Variants in SQSTM1 observed in about 807,000 individuals in gnomAD.
SQSTM1 encodes the protein sequestosome 1, also known as sequestosome-1.
Under a neutral mutation model 45.1 loss-of-function variants are expected in SQSTM1, and 36 were observed. The observed-to-expected ratio is 0.80, with a 90% CI of 0.61 to 1.05. The LOEUF is 1.05. Ranked by LOEUF, SQSTM1 falls within the 50% of genes least tolerant of loss-of-function variation. The pLI, the probability that SQSTM1 is intolerant of heterozygous loss-of-function variation, is 0.00. For synonymous variants in SQSTM1, 290 were observed against 244.3 expected (o/e 1.19, Z -1.74); for missense variants, 617 against 607.1 (o/e 1.02, Z -0.17).
Position 179,820,911 on chromosome 5 carries a change from C to A in SQSTM1, c.-26C>A, listed in dbSNP as rs748135610. The A allele has an allele frequency of 5.3e-6, 8 of 1,495,618 alleles. No individual in the cohort carries two copies. The highest frequency in any genetic ancestry group is 1.4e-5 in the African/African-American group (1 of 69,504). 92.6% of individuals were successfully genotyped at this position (1,495,618 alleles called of 1,614,324 possible). Reference sequence around the variant, plus strand: ...CGCGGCGGCTGCGACCGGGACGGCCCGTTTTCCGCCAGCTCGCCGCTCGCT... The same window carrying A: ...CGCGGCGGCTGCGACCGGGACGGCCAGTTTTCCGCCAGCTCGCCGCTCGCT... On this transcript the variant is annotated 5_prime_UTR_variant, in exon 1 of 8. Coordinates refer to ENST00000389805, the MANE Select transcript of SQSTM1 (RefSeq NM_003900.5).
At chr5:179,817,359 C>G (rs149085107), upstream of SQSTM1, among the ~76,000 whole-genome samples, 948 of 152,320 alleles carry the variant, frequency 6.2e-3, 11 homozygotes, top group African/African-American at 0.021. Context: ...TTTCCCCACT[C>G]CGCGGTTGAC....
intron 5 of SQSTM1, among the ~76,000 whole-genome samples, chr5:179,828,369 C>CTTTTTTTTTTTTTTTTTTTT (rs57483633): frequency 4.1e-5 from 4 of 98,272 alleles, no homozygotes; most frequent in Admixed American, 1.0e-4. Context: ...TTTTTCTTAT[C>CTTTTTTTTTTTTTTTTTTTT]TTTTTTTTTT....
At chr5:179,829,801 G>C (rs1582015965) in intron 5 of SQSTM1, among the ~76,000 whole-genome samples, 2 of 152,164 alleles carry the variant, frequency 1.3e-5, no homozygotes, top group East Asian at 1.9e-4. Flanking sequence ...TAGAATGCAA[G>C]ATAGTTTCTT....
At chr5:179,830,355 C>A (rs1045921588) in intron 5 of SQSTM1, among the ~76,000 whole-genome samples, 2 of 152,078 alleles carry the variant, frequency 1.3e-5, no homozygotes, top group African/African-American at 2.4e-5. Context: ...GACAATGGAA[C>A]AACTGATGAC....
At chr5:179,828,836 T>C (rs1758103665) in intron 5 of SQSTM1, among the ~76,000 whole-genome samples, 2 of 152,016 alleles carry the variant, frequency 1.3e-5, no homozygotes, top group African/African-American at 2.4e-5. Flanking sequence ...GAAAACACCA[T>C]AGACAAAGAA....
chr5:179,832,752 C>T (rs950425621), intron 5 of SQSTM1, among the ~76,000 whole-genome samples: 5 of 152,172 alleles, frequency 3.3e-5, no homozygotes, highest in African/African-American at 1.2e-4. Context: ...AGAATGTTTC[C>T]AGAAGCCACA....
intron 5 of SQSTM1, among the ~76,000 whole-genome samples, chr5:179,831,570 G>A (rs1325012114): frequency 6.6e-6 from 1 of 152,034 alleles, no homozygotes; most frequent in Non-Finnish European, 1.5e-5. Context: ...GCTGAGGCAG[G>A]AGAATCACTT....
At chr5:179,825,105 G>A in intron 4 of SQSTM1, 41 bp from the exon 5 acceptor site, 1 of 1,582,660 alleles carries the variant, frequency 6.3e-7, no homozygotes, top group South Asian at 1.1e-5. Flanking sequence ...GGTATCCAAG[G>A]CATTAAAGAT....
upstream of SQSTM1, among the ~76,000 whole-genome samples, chr5:179,818,012 CAAAAAAA>C (rs528143529): frequency 2.0e-3 from 59 of 29,188 alleles, no homozygotes; most frequent in East Asian, 0.012. Context: ...GAGACTGTCT[CAAAAAAA>C]AAAAAAAAAA....
upstream of SQSTM1, among the ~76,000 whole-genome samples, chr5:179,819,233 T>G (rs1442399919): frequency 2.6e-5 from 4 of 152,234 alleles, no homozygotes; most frequent in East Asian, 7.7e-4. Flanking sequence ...GGGCGGCCGC[T>G]GGGGCCGCAA....
chr5:179,833,875 A>C, intron 7 of SQSTM1, 93 bp downstream of exon 7: 1 of 1,413,470 alleles, frequency 7.1e-7, no homozygotes. Flanking sequence ...CAGAAGGATG[A>C]GATGTTCTCC....
chr5:179,837,590 C>T lies in SQSTM1; in HGVS notation c.*997C>T, dbSNP rs570055949. The T allele has an allele frequency of 1.2e-6, 2 of 1,614,180 alleles. No homozygotes were observed. Among genetic ancestry groups the T allele is most frequent in the East Asian group, 4.5e-5 (2 of 44,894 alleles). Reference sequence around the variant, plus strand: ...AGGAAGCTGGACAGCGGCAGTGGGCCTGCTGAGGCCTTCTCTTGAGGCCTG... The same window carrying T: ...AGGAAGCTGGACAGCGGCAGTGGGCTTGCTGAGGCCTTCTCTTGAGGCCTG... On this transcript the variant is annotated 3_prime_UTR_variant, in exon 8 of 8. Transcript: ENST00000389805.
chr5:179,824,849 T>G (rs181958208), intron 4 of SQSTM1, among the ~76,000 whole-genome samples: 12 of 152,206 alleles, frequency 7.9e-5, no homozygotes, highest in Non-Finnish European at 1.3e-4. Context: ...ATAACATATT[T>G]ACTCAAGGAG....
chr5:179,816,265 C>T (rs761257326), upstream of SQSTM1, among the ~76,000 whole-genome samples: 16 of 152,222 alleles, frequency 1.1e-4, no homozygotes, highest in Non-Finnish European at 1.9e-4. Context: ...TCTCTTGCCT[C>T]AGCCTCCCGA....
intron 1 of SQSTM1, among the ~76,000 whole-genome samples, chr5:179,807,163 G>T (rs1757209545): frequency 6.6e-6 from 1 of 151,710 alleles, no homozygotes; most frequent in Non-Finnish European, 1.5e-5. Context: ...CGCAGCCGGG[G>T]CGGGGGGCGG....
chr5:179,819,075 G>C (rs1266882174), upstream of SQSTM1: 1 of 152,544 alleles, frequency 6.6e-6, no homozygotes, highest in Non-Finnish European at 1.5e-5. Flanking sequence ...CAGGGGCCGG[G>C]GATCCCCCTA....
At chr5:179,833,817 C>G in intron 7 of SQSTM1, 35 bp downstream of exon 7, 2 of 1,610,072 alleles carry the variant, frequency 1.2e-6, no homozygotes, top group Non-Finnish European at 1.7e-6. Flanking sequence ...CATATTCCTA[C>G]CTTTCCCTTT....
intron 5 of SQSTM1, among the ~76,000 whole-genome samples, chr5:179,832,618 C>T (rs1758279172): frequency 6.6e-6 from 1 of 152,178 alleles, no homozygotes; most frequent in Non-Finnish European, 1.5e-5. Context: ...TGGCCCGTGT[C>T]CTGCATGGTT....
At chr5:179,822,607 T>G (rs576095085) in intron 1 of SQSTM1, 3 of 361,644 alleles carry the variant, frequency 8.3e-6, no homozygotes, top group African/African-American at 6.4e-5. Flanking sequence ...CTCCCACAGT[T>G]GAAGACGGAC....
Sources: gnomAD v4.1 joint callset for allele counts (sites outside exome capture counted in the v4.1 genomes callset) on GRCh38, gnomAD v4.1.1 for gene constraint, MANE v1.5 for transcripts, NCBI Gene and HGNC (gene_info 2026-07-23, HGNC 2026-07-21) for gene names.